ACMSD: variants seen among roughly 807,000 people sequenced by gnomAD.
ACMSD encodes the protein 2-amino-3-carboxymuconate-6-semialdehyde decarboxylase.
ACMSD carries 37 observed loss-of-function variants against 45.9 expected under a neutral mutation model. The ratio of observed to expected loss-of-function variants is 0.81; its 90% confidence interval spans 0.62 to 1.06. The LOEUF (loss-of-function observed/expected upper bound fraction) is 1.06. Among genes scored for constraint, ACMSD ranks in the 50% least tolerant of loss-of-function variants. The pLI is 0.00. For missense variants in ACMSD, 434 were observed against 420.9 expected (o/e 1.03, Z -0.27); for synonymous variants, 138 against 148.8 (o/e 0.93, Z 0.53).
Position 134,872,661 on chromosome 2 carries a change from T to C in ACMSD, c.849+20T>C. ...GGAAAGGTAAGCCCAGTCTGCCACT[T>C]GGATGGCTTATGGGGAGCAGAATGC... is the stretch of plus-strand genomic sequence containing the variant. On this transcript the variant is annotated intron_variant, in intron 8 of 9. Coordinates refer to ENST00000356140, the MANE Select transcript of ACMSD (RefSeq NM_138326.3). 1 of 1,613,986 alleles carries C rather than the reference T, an allele frequency of 6.2e-7. No homozygotes were observed. Among genetic ancestry groups the C allele is most frequent in the Middle Eastern group, 1.7e-4 (1 of 6,052 alleles).
intron 8 of ACMSD, among the ~76,000 whole-genome samples, chr2:134,898,033 T>C (rs1690271924): frequency 6.6e-6 from 1 of 151,544 alleles, no homozygotes; most frequent in South Asian, 2.1e-4. Flanking sequence ...TGAATATATA[T>C]ATTTTAGTAA....
At chr2:134,886,246 A>ATTATTATTTTTTTTTTTTTTT in intron 8 of ACMSD, among the ~76,000 whole-genome samples, 2 of 115,474 alleles carry the variant, frequency 1.7e-5, no homozygotes, top group African/African-American at 7.2e-5. Context: ...TATTATTATT[A>ATTATTATTTTTTTTTTTTTTT]TTTTTTTTTT....
intron 8 of ACMSD, among the ~76,000 whole-genome samples, chr2:134,891,872 T>C (rs1026570005): frequency 6.6e-6 from 1 of 152,318 alleles, no homozygotes; most frequent in East Asian, 1.9e-4. Flanking sequence ...CTGTCATATA[T>C]ATGCACAATG....
chr2:134,897,713 G>A (rs1690245567), intron 8 of ACMSD, among the ~76,000 whole-genome samples: 1 of 152,060 alleles, frequency 6.6e-6, no homozygotes, highest in African/African-American at 2.4e-5. Flanking sequence ...GTCTGACACA[G>A]TGCTTAATAT....
intron 2 of ACMSD, among the ~76,000 whole-genome samples, chr2:134,858,398 G>A (rs1373780125): frequency 2.0e-5 from 3 of 152,020 alleles, no homozygotes; most frequent in Non-Finnish European, 1.5e-5. Flanking sequence ...GAAGGTCAGA[G>A]GATATGAAAT....
intron 8 of ACMSD, among the ~76,000 whole-genome samples, chr2:134,897,098 T>C (rs936987641): frequency 2.4e-4 from 37 of 152,150 alleles, no homozygotes; most frequent in South Asian, 8.3e-4. Flanking sequence ...CTAAAACCCA[T>C]TGAATTATAC....
At chr2:134,863,173 C>T (rs1374529644) in intron 4 of ACMSD, 1 of 636,738 alleles carries the variant, frequency 1.6e-6, no homozygotes, top group Non-Finnish European at 2.0e-6. Flanking sequence ...CTCAATTTTT[C>T]CAATGAATCA....
intron 1 of ACMSD, 31 bp from the exon 2 acceptor site, chr2:134,845,202 T>C: frequency 6.2e-7 from 1 of 1,614,012 alleles, no homozygotes; most frequent in Middle Eastern, 1.6e-4. Flanking sequence ...TCTTTGCTCT[T>C]TGACTCTAAC....
At chr2:134,858,078 T>C (rs1388047509) in intron 2 of ACMSD, among the ~76,000 whole-genome samples, 1 of 152,108 alleles carries the variant, frequency 6.6e-6, no homozygotes, top group Non-Finnish European at 1.5e-5. Flanking sequence ...AATATCTGCA[T>C]TCCCATGTTC....
intron 8 of ACMSD, among the ~76,000 whole-genome samples, chr2:134,883,798 C>CA (rs910655625): frequency 2.0e-5 from 3 of 152,004 alleles, no homozygotes; most frequent in Non-Finnish European, 4.4e-5. Context: ...TACACCCAGC[C>CA]AAAAAAGTAT....
chr2:134,859,246 G>T lies in ACMSD; in HGVS notation c.103-15G>T. The T allele has an allele frequency of 1.2e-6, 2 of 1,612,682 alleles. No homozygotes were observed. Among genetic ancestry groups the T allele is most frequent in the African/African-American group, 1.3e-5 (1 of 74,966 alleles). On this transcript the variant is annotated splice_polypyrimidine_tract_variant and intron_variant, in intron 2 of 9. Transcript: ENST00000356140. ...TCTTAGGTTGCATTTTAGTAATGTG[G>T]GTTTTCTGCCCCAGGGAGAAGCAAA...
At position 134,845,311 on chromosome 2, in the gene ACMSD, A is replaced by G; in HGVS notation, c.102+34A>G. 2.5e-6 allele frequency: 4 copies of G among 1,611,900 alleles called. No individual in the cohort carries two copies. The South Asian group carries it at 4.4e-5, about 18-fold the overall frequency. On this transcript the variant is annotated intron_variant, in intron 2 of 9. Coordinates refer to ENST00000356140, the MANE Select transcript of ACMSD (RefSeq NM_138326.3). ...CTTCCAAAGTATGAACATCAGTAGCACTCAGGGAGAGCTGAGCCATGGGAT... is the reference window on the plus strand; with the variant it reads ...CTTCCAAAGTATGAACATCAGTAGCGCTCAGGGAGAGCTGAGCCATGGGAT...
chr2:134,867,294 A>G (rs1234063258), intron 5 of ACMSD: 2 of 218,792 alleles, frequency 9.1e-6, no homozygotes, highest in Non-Finnish European at 1.8e-5. Context: ...TGAATGATGG[A>G]TATTTCCTGA....
At chr2:134,886,246 A>ATTATTATTATTATTATTT in intron 8 of ACMSD, among the ~76,000 whole-genome samples, 4 of 115,444 alleles carry the variant, frequency 3.5e-5, no homozygotes, top group Non-Finnish European at 5.3e-5. Context: ...TATTATTATT[A>ATTATTATTATTATTATTT]TTTTTTTTTT....
At chr2:134,885,292 T>TAA (rs1689289187) in intron 8 of ACMSD, among the ~76,000 whole-genome samples, 2 of 99,630 alleles carry the variant, frequency 2.0e-5, no homozygotes, top group African/African-American at 8.4e-5. Flanking sequence ...ATATTATATT[T>TAA]ATATATATAT....
intron 2 of ACMSD, among the ~76,000 whole-genome samples, chr2:134,847,120 G>A (rs1687085872): frequency 6.6e-6 from 1 of 152,158 alleles, no homozygotes; most frequent in South Asian, 2.1e-4. Context: ...GGACTTGCAG[G>A]GCACGCTAAA....
At chr2:134,853,166 CT>C (rs1687426867) in intron 2 of ACMSD, among the ~76,000 whole-genome samples, 1 of 63,216 alleles carries the variant, frequency 1.6e-5, no homozygotes, top group African/African-American at 7.4e-5. Flanking sequence ...CCATCTCAAT[CT>C]AAAAAAAAAA....
chr2:134,851,634 G>C (rs1207776158), intron 2 of ACMSD, among the ~76,000 whole-genome samples: 4 of 152,104 alleles, frequency 2.6e-5, no homozygotes, highest in East Asian at 1.9e-4. Flanking sequence ...GTAGAGACGG[G>C]GTTTCACCAT....
chr2:134,861,129 T>C (rs754956639), intron 3 of ACMSD, among the ~76,000 whole-genome samples: 1 of 152,122 alleles, frequency 6.6e-6, no homozygotes, highest in Non-Finnish European at 1.5e-5. Flanking sequence ...GAATATAGCA[T>C]ATATCCCTCT....
Sources: allele counts gnomAD v4.1 joint callset (sites outside exome capture counted in the v4.1 genomes callset), GRCh38; gene constraint gnomAD v4.1.1; transcripts MANE v1.5; gene names NCBI Gene and HGNC (gene_info 2026-07-23, HGNC 2026-07-21).